Variants in MFSD12 observed in about 807,000 individuals in gnomAD.
MFSD12 encodes the protein major facilitator superfamily domain-containing protein 12.
A neutral mutation model predicts 51.2 loss-of-function variants in MFSD12; 67 were observed. That is an observed-to-expected ratio of 1.31 (90% CI 1.08 to 1.60). The LOEUF is 1.60. Among genes scored for constraint, MFSD12 ranks in the 40% most tolerant of loss-of-function variants. The probability of loss-of-function intolerance (pLI) is 0.00; values close to 1 mark genes in which losing one functional copy is unlikely to be tolerated. For missense variants in MFSD12, 921 were observed against 673.0 expected (o/e 1.37, Z -4.08); for synonymous variants, 441 against 316.7 (o/e 1.39, Z -4.17).
In MFSD12 at chr19:3,546,155, A is replaced by C. The variant is rs764364838; in HGVS notation, c.1208T>G (p.Phe403Cys). 1 of 1,613,170 alleles carries C rather than the reference A, an allele frequency of 6.2e-7. No homozygotes were observed. The highest frequency in any genetic ancestry group is 1.1e-5 in the South Asian group (1 of 91,086). Residue 403 changes from phenylalanine (F) to cysteine (C), a missense_variant, in exon 8 of 10, where the codon TTC (phenylalanine) becomes TGC (cysteine). Physicochemically the swap from Phe to Cys is radical, Grantham distance 205. Transcript: ENST00000355415. Reference sequence around the variant, plus strand: ...CAAGAAGCTCATGGAGCCGTACACGAACGCTCCGCTGTTCTGTGGAGACAC... The same window carrying C: ...CAAGAAGCTCATGGAGCCGTACACGCACGCTCCGCTGTTCTGTGGAGACAC... The part of the protein sequence containing the change: ...LIGPHTNSGA[F>C]VYGSMSFLDK...
intron 1 of MFSD12, among the ~76,000 whole-genome samples, chr19:3,552,456 C>G (rs1043789105): frequency 8.5e-5 from 12 of 141,856 alleles, no homozygotes; most frequent in African/African-American, 2.9e-4. Context: ...GCGTGAGCCA[C>G]CGCGCCCCGC....
intron 1 of MFSD12, among the ~76,000 whole-genome samples, chr19:3,555,054 C>T (rs914782822): frequency 1.3e-5 from 2 of 152,230 alleles, no homozygotes; most frequent in African/African-American, 4.8e-5. Context: ...CTGAGGTCTG[C>T]TTTGGAAAAA....
chr19:3,541,712 T>G, downstream of MFSD12: 1 of 985,272 alleles, frequency 1.0e-6, no homozygotes, highest in African/African-American at 1.7e-5. Flanking sequence ...ATGTACCACC[T>G]GCTCCTGGGA....
intron 1 of MFSD12, among the ~76,000 whole-genome samples, chr19:3,553,584 T>A (rs1020193571): frequency 3.3e-5 from 5 of 149,538 alleles, no homozygotes; most frequent in African/African-American, 9.9e-5. Context: ...CTGGCTAACA[T>A]GATGAAACCC....
chr19:3,545,399 C>A (rs1055157835), intron 8 of MFSD12, among the ~76,000 whole-genome samples: 7 of 151,046 alleles, frequency 4.6e-5, no homozygotes, highest in Admixed American at 3.3e-4. Flanking sequence ...CCTGCCCTCC[C>A]CTCCTCCCTC....
Position 3,548,226 on chromosome 19 carries a change from G to A in MFSD12, c.551C>T (p.Ala184Val). The stretch of plus-strand genomic sequence containing the variant: ...CTGCAGGTGCAGCAGGAGCCAGGCG[G>A]CGCCGTAGACGGTGATGTTGGCCAC... ...TVVANITVYG[A>V]AWLLLHLQGS... is the part of the protein sequence containing the mutation. Residue 184 changes from alanine to valine, a missense_variant, in exon 3 of 10, where the codon GCC (alanine) becomes GTC (valine). Transcript: ENST00000355415. 1.3e-6 allele frequency: 2 copies of A among 1,554,282 alleles called. No individual in the cohort carries two copies. The highest frequency in any genetic ancestry group is 2.4e-5 in the East Asian group (1 of 41,202).
chr19:3,546,283 A>G lies in MFSD12; in HGVS notation c.1166T>C (p.Met389Thr). The G allele has an allele frequency of 6.2e-7, 1 of 1,610,660 alleles. No individual in the cohort carries two copies. Among genetic ancestry groups the G allele is most frequent in the Non-Finnish European group, 8.5e-7 (1 of 1,179,152 alleles). ...CATILVTSLA[M>T]TADLIGPHTN... Reference sequence around the variant, plus strand: ...GTGGGGACCGATGAGGTCGGCCGTCATGGCCAGCGAGGTGACGAGGATGGT... The same window carrying G: ...GTGGGGACCGATGAGGTCGGCCGTCGTGGCCAGCGAGGTGACGAGGATGGT... The change falls in exon 7 of 10, where the codon ATG becomes ACG. Residue 389 changes from methionine (M) to threonine (T), a missense_variant. By Grantham distance (81) the Met-to-Thr change is moderately conservative (BLOSUM62 -1). Coordinates refer to ENST00000355415, the MANE Select transcript of MFSD12 (RefSeq NM_174983.5).
At chr19:3,539,090 C>T (rs1020130481) in intron 4 of MFSD12, 4 of 808,448 alleles carry the variant, frequency 4.9e-6, no homozygotes, top group African/African-American at 3.4e-5. Flanking sequence ...GAGTGGTCAG[C>T]GTGGTTGCCG....
At chr19:3,552,052 C>T (rs1363776263) in intron 1 of MFSD12, among the ~76,000 whole-genome samples, 1 of 152,226 alleles carries the variant, frequency 6.6e-6, no homozygotes, top group East Asian at 1.9e-4. Flanking sequence ...CTCTACCTCA[C>T]CCTTCGGAGC....
rs554867390 is a variant in MFSD12 at position 3,544,361 on chromosome 19, G to C, written c.*349C>G. On this transcript the variant is annotated 3_prime_UTR_variant, in exon 10 of 10. Transcript: ENST00000355415. Reference sequence around the variant, plus strand: ...CCTGGCAGTGTCTGGAGACCCCCAGGCTGGAGGTGAGGGGTGAACTGGACT... The same window carrying C: ...CCTGGCAGTGTCTGGAGACCCCCAGCCTGGAGGTGAGGGGTGAACTGGACT... 3.9e-6 allele frequency: 5 copies of C among 1,277,160 alleles called. No homozygotes were observed. The South Asian group carries it at 1.3e-4, about 34-fold the overall frequency. 79.1% of individuals were successfully genotyped at this position (1,277,160 alleles called of 1,614,324 possible). A position where few individuals can be genotyped will look rare whatever the true frequency, so the allele number is the denominator to read the frequency against.
intron 4 of MFSD12, chr19:3,539,168 C>G: frequency 6.5e-7 from 1 of 1,547,384 alleles, no homozygotes; most frequent in Non-Finnish European, 8.7e-7. Context: ...CCCGGGGGAT[C>G]CAGGCAGACA....
intron 8 of MFSD12, 107 bp from the exon 9 acceptor site, chr19:3,545,046 A>G: frequency 1.4e-6 from 2 of 1,416,468 alleles, no homozygotes; most frequent in Non-Finnish European, 1.9e-6. Flanking sequence ...CGTCCTGTCC[A>G]ATCCAGGAGC....
At chr19:3,553,839 T>A (rs1009728038) in intron 1 of MFSD12, among the ~76,000 whole-genome samples, 4 of 151,248 alleles carry the variant, frequency 2.6e-5, no homozygotes, top group African/African-American at 9.7e-5. Context: ...CCCAGCACTT[T>A]GGGAGGCTGC....
chr19:3,547,696 G>T, intron 4 of MFSD12, 149 bp from the exon 5 acceptor site: 1 of 1,180,762 alleles, frequency 8.5e-7, no homozygotes, highest in Non-Finnish European at 1.2e-6. Flanking sequence ...CCAGGAAGAG[G>T]AGAGCAGCAC....
At chr19:3,538,604 G>T (rs2030090813) in exon 5 of MFSD12, 4 of 438,976 alleles carry the variant, frequency 9.1e-6, no homozygotes, top group Middle Eastern at 5.6e-4. Flanking sequence ...ACTGTGGCCT[G>T]GGTCAGAGCT....
In MFSD12 at chr19:3,546,234, CAGCCT is replaced by C. The variant is rs765421737; in HGVS notation, c.1194+16_1194+20del. 6.2e-7 allele frequency: 1 copy of C among 1,606,966 alleles called. No individual in the cohort carries two copies. Among genetic ancestry groups the C allele is most frequent in the East Asian group, 2.2e-5 (1 of 44,626 alleles). ...ATCTAGGACCCGGCCTCCCCCACCC[CAGCCT>C]GGCTACCAGCCCTACCGTGTGGGGA... is the stretch of plus-strand genomic sequence containing the variant. On this transcript the variant is annotated intron_variant, in intron 7 of 9. Transcript: ENST00000355415.
chr19:3,544,950 AGGC>A lies in MFSD12; in HGVS notation c.1290-14_1290-12del. 6.2e-7 allele frequency: 1 copy of A among 1,600,886 alleles called. No individual in the cohort carries two copies. Among genetic ancestry groups the A allele is most frequent in the South Asian group, 1.1e-5 (1 of 90,000 alleles). ...CAGCAGAGCTCTGAGCTGTGGGAGG[AGGC>A]GGGGGATGAGTAGGCACCGCGGGTA... On this transcript the variant is annotated splice_polypyrimidine_tract_variant and intron_variant, in intron 8 of 9. Coordinates refer to ENST00000355415, the MANE Select transcript of MFSD12 (RefSeq NM_174983.5).
chr19:3,547,085 G>A (rs541331549), intron 6 of MFSD12, among the ~76,000 whole-genome samples, 187 bp downstream of exon 6: 1 of 152,298 alleles, frequency 6.6e-6, no homozygotes, highest in South Asian at 2.1e-4. Flanking sequence ...TGATCCGCCC[G>A]CCTCGGCCTC....
intron 1 of MFSD12, among the ~76,000 whole-genome samples, chr19:3,552,948 G>A (rs2031553401): frequency 6.6e-6 from 1 of 152,164 alleles, no homozygotes; most frequent in Admixed American, 6.6e-5. Flanking sequence ...CCCAGCCTGG[G>A]GCACCTGGAA....
Sources: allele counts gnomAD v4.1 joint callset (sites outside exome capture counted in the v4.1 genomes callset), GRCh38; gene constraint gnomAD v4.1.1; transcripts MANE v1.5; gene names NCBI Gene and HGNC (gene_info 2026-07-23, HGNC 2026-07-21).